Variants in SYCP2 observed in about 807,000 individuals in gnomAD.
SYCP2 encodes synaptonemal complex lateral element protein.
A neutral mutation model predicts 211.3 loss-of-function variants in SYCP2; 55 were observed. The observed-to-expected ratio is 0.26, with a 90% CI of 0.21 to 0.33. The LOEUF is 0.33. Ranked by LOEUF, SYCP2 falls within the 10% of genes least tolerant of loss-of-function variation. The pLI is 1.00. For missense variants in SYCP2, 1,731 were observed against 1,752.0 expected (o/e 0.99, Z 0.21); for synonymous variants, 570 against 555.2 (o/e 1.03, Z -0.37).
intron 42 of SYCP2, 36 bp downstream of exon 42, chr20:59,865,771 T>G: frequency 8.4e-7 from 1 of 1,186,322 alleles, no homozygotes; most frequent in Non-Finnish European, 1.1e-6. Context: ...AAAATCTAAT[T>G]TTATAGATTA....
At chr20:59,900,555 C>T (rs189647913) in intron 17 of SYCP2, among the ~76,000 whole-genome samples, 189 bp downstream of exon 17, 80 of 152,104 alleles carry the variant, frequency 5.3e-4, no homozygotes, top group African/African-American at 1.9e-3. Flanking sequence ...TTATTAATAA[C>T]CCTACTCTTT....
chr20:59,930,834 A>C (rs1342159751), intron 2 of SYCP2, among the ~76,000 whole-genome samples: 6 of 152,134 alleles, frequency 3.9e-5, no homozygotes, highest in Non-Finnish European at 8.8e-5. Context: ...TTTAAAGAAA[A>C]ATACTTTTTA....
At chr20:59,919,656 T>C in intron 5 of SYCP2, 59 bp from the exon 6 acceptor site, 1 of 1,096,408 alleles carries the variant, frequency 9.1e-7, no homozygotes, top group South Asian at 1.4e-5. Flanking sequence ...AATGTACTTA[T>C]CTATCTTTGC....
chr20:59,914,058 CATA>C (rs765893473), intron 11 of SYCP2, 31 bp from the exon 12 acceptor site: 39 of 1,570,272 alleles, frequency 2.5e-5, no homozygotes, highest in African/African-American at 1.2e-4. Context: ...TTTTAAAAAT[CATA>C]ATAATTTTTA....
intron 4 of SYCP2, 71 bp downstream of exon 4, chr20:59,921,239 G>T: frequency 7.5e-7 from 1 of 1,337,728 alleles, no homozygotes; most frequent in Non-Finnish European, 1.0e-6. Context: ...TTTTCTAATG[G>T]AGTACTTCCT....
At chr20:59,917,783 G>T (rs1261963395) in intron 7 of SYCP2, among the ~76,000 whole-genome samples, 1 of 152,080 alleles carries the variant, frequency 6.6e-6, no homozygotes, top group East Asian at 1.9e-4. Context: ...GCACAAGCAG[G>T]CCACAAGTCA....
intron 2 of SYCP2, among the ~76,000 whole-genome samples, chr20:59,931,792 T>TACACAC (rs145920091): frequency 7.3e-5 from 11 of 151,030 alleles, no homozygotes; most frequent in African/African-American, 2.7e-4. Context: ...ATAATCAGGT[T>TACACAC]ACACACACAC....
intron 2 of SYCP2, among the ~76,000 whole-genome samples, chr20:59,923,743 A>G (rs2060583104): frequency 6.6e-6 from 1 of 151,888 alleles, no homozygotes; most frequent in Admixed American, 6.6e-5. Flanking sequence ...TTCTAAGGTA[A>G]CCACTAAATG....
At chr20:59,893,479 A>G (rs777370145) in intron 21 of SYCP2, 45 bp downstream of exon 21, 1 of 1,244,614 alleles carries the variant, frequency 8.0e-7, no homozygotes, top group Non-Finnish European at 1.2e-6. Context: ...AGAAGTATAT[A>G]CATTTTCTTA....
intron 24 of SYCP2, among the ~76,000 whole-genome samples, 164 bp downstream of exon 24, chr20:59,891,826 C>T (rs544177529): frequency 1.4e-4 from 22 of 151,914 alleles, no homozygotes; most frequent in African/African-American, 3.9e-4. Context: ...ATCAGAGCTA[C>T]GACAAGGGAG....
intron 21 of SYCP2, 35 bp downstream of exon 21, chr20:59,893,489 A>T (rs749809202): frequency 1.6e-5 from 22 of 1,403,410 alleles, no homozygotes; most frequent in East Asian, 2.3e-5. Flanking sequence ...ACATTTTCTT[A>T]AAAAAATGAC....
At position 59,916,896 on chromosome 20, in the gene SYCP2, G is replaced by A. The variant is rs566950263; in HGVS notation, c.428-325C>T. On this transcript the variant is annotated intron_variant, in intron 7 of 44. Coordinates refer to ENST00000357552, the MANE Select transcript of SYCP2 (RefSeq NM_014258.4). ...ATCGTGCCACTGTACTCCAGCCTGGGTGAGAGTGAGACCCTGTCTCAAAAA... is the reference window on the plus strand; with the variant it reads ...ATCGTGCCACTGTACTCCAGCCTGGATGAGAGTGAGACCCTGTCTCAAAAA... Among the ~76,000 whole-genome samples the A allele has an allele frequency of 5.9e-5, 9 of 152,260 alleles. No individual in the cohort carries two copies. In the South Asian group the frequency reaches 8.3e-4, roughly 14 times the overall value.
At chr20:59,889,174 A>G (rs1212666960) in intron 24 of SYCP2, among the ~76,000 whole-genome samples, 1 of 152,006 alleles carries the variant, frequency 6.6e-6, no homozygotes, top group African/African-American at 2.4e-5. Flanking sequence ...TTCACTACAT[A>G]TTTGTCAAAA....
intron 8 of SYCP2, 78 bp from the exon 9 acceptor site, chr20:59,915,628 A>G: frequency 2.2e-6 from 2 of 907,710 alleles, no homozygotes; most frequent in South Asian, 1.5e-5. Context: ...AGGCACATAA[A>G]CTTAGAAGCC....
chr20:59,926,280 A>C (rs2060633276), intron 2 of SYCP2, among the ~76,000 whole-genome samples: 1 of 152,058 alleles, frequency 6.6e-6, no homozygotes, highest in African/African-American at 2.4e-5. Context: ...GATGGCTTAG[A>C]ACAGCAGAAA....
intron 25 of SYCP2, 133 bp from the exon 26 acceptor site, chr20:59,886,097 G>T: frequency 1.5e-6 from 1 of 652,378 alleles, no homozygotes; most frequent in Non-Finnish European, 2.6e-6. Flanking sequence ...AACAGTAATA[G>T]TCTGATAGTT....
intron 2 of SYCP2, among the ~76,000 whole-genome samples, chr20:59,922,681 ATTAC>A (rs1027441198): frequency 9.2e-5 from 14 of 151,784 alleles, no homozygotes; most frequent in African/African-American, 2.9e-4. Context: ...CTTTTTATAG[ATTAC>A]TTAAATTAAT....
intron 24 of SYCP2, among the ~76,000 whole-genome samples, chr20:59,889,757 C>G (rs2059867842): frequency 6.6e-6 from 1 of 152,128 alleles, no homozygotes; most frequent in South Asian, 2.1e-4. Context: ...ATAATTGGAG[C>G]CAGCCTGGGA....
At position 59,912,264 on chromosome 20, in the gene SYCP2, G is replaced by C. The variant is rs117466872; in HGVS notation, c.876+109C>G. 5 of 552,532 alleles carry C rather than the reference G, an allele frequency of 9.0e-6. No individual in the cohort carries two copies. In the East Asian group the frequency reaches 1.6e-4, roughly 17 times the overall value. 34.2% of individuals were successfully genotyped at this position (552,532 alleles called of 1,614,324 possible). On this transcript the variant is annotated intron_variant, in intron 13 of 44. Coordinates refer to ENST00000357552, the MANE Select transcript of SYCP2 (RefSeq NM_014258.4). ...AGAATACTAGACCAGCTACATTCATGATCTAATTACAACTATTTTTAGTGT... is the reference window on the plus strand; with the variant it reads ...AGAATACTAGACCAGCTACATTCATCATCTAATTACAACTATTTTTAGTGT...
Sources: allele counts gnomAD v4.1 joint callset (sites outside exome capture counted in the v4.1 genomes callset), GRCh38; gene constraint gnomAD v4.1.1; transcripts MANE v1.5; gene names NCBI Gene and HGNC (gene_info 2026-07-23, HGNC 2026-07-21).